DCDC1: variants seen among roughly 807,000 people sequenced by gnomAD.
The protein encoded by DCDC1 is doublecortin domain-containing protein 1.
Under a neutral mutation model 178.3 loss-of-function variants are expected in DCDC1, and 200 were observed. That is an observed-to-expected ratio of 1.12 (90% CI 1.00 to 1.26). The LOEUF (loss-of-function observed/expected upper bound fraction) is 1.26, where lower values mean the gene tolerates loss of function less well. Ranked by LOEUF, DCDC1 falls within the 50% of genes most tolerant of loss-of-function variation. DCDC1 has a pLI of 0.00. For synonymous variants in DCDC1, 690 were observed against 604.8 expected (o/e 1.14, Z -2.07); for missense variants, 1,983 against 1,749.2 (o/e 1.13, Z -2.38).
At chr11:31,286,849 G>C (rs1479158650) in intron 7 of DCDC1, among the ~76,000 whole-genome samples, 1 of 152,080 alleles carries the variant, frequency 6.6e-6, no homozygotes, top group African/African-American at 2.4e-5. Context: ...TCTCTGGAGA[G>C]ACTAAACCTC....
chr11:31,309,175 T>C (rs1262060025), intron 3 of DCDC1, among the ~76,000 whole-genome samples: 1 of 151,992 alleles, frequency 6.6e-6, no homozygotes, highest in African/African-American at 2.4e-5. Context: ...TGTATGTGTG[T>C]GAGCTCACAC....
At chr11:31,238,592 C>T (rs1225920995) in intron 9 of DCDC1, among the ~76,000 whole-genome samples, 1 of 152,030 alleles carries the variant, frequency 6.6e-6, no homozygotes, top group African/African-American at 2.4e-5. Context: ...CAATGGCATT[C>T]CTACTTCAAC....
At chr11:31,046,516 G>A (rs984911858) in intron 20 of DCDC1, among the ~76,000 whole-genome samples, 10 of 151,434 alleles carry the variant, frequency 6.6e-5, no homozygotes, top group African/African-American at 2.4e-4. Context: ...GGTAGACATG[G>A]GTTCAATTAT....
intron 17 of DCDC1, among the ~76,000 whole-genome samples, chr11:31,079,256 T>C (rs1957038968): frequency 6.6e-6 from 1 of 152,138 alleles, no homozygotes; most frequent in Non-Finnish European, 1.5e-5. Context: ...TTTGGAAAGA[T>C]TCTAGGTTTG....
At chr11:30,929,235 T>C (rs971533625) in intron 22 of DCDC1, among the ~76,000 whole-genome samples, 5 of 152,094 alleles carry the variant, frequency 3.3e-5, no homozygotes, top group Admixed American at 3.3e-4. Flanking sequence ...CAATGATCTA[T>C]GATCATAACA....
intron 2 of DCDC1, 65 bp downstream of exon 2, chr11:31,335,382 C>G (rs1950219291): frequency 6.6e-6 from 1 of 152,252 alleles, no homozygotes; most frequent in South Asian, 2.1e-4. Flanking sequence ...CCCCGCCCTG[C>G]TTCAGCTTCC....
At chr11:30,925,715 G>C (rs1199559613) in intron 22 of DCDC1, among the ~76,000 whole-genome samples, 1 of 152,150 alleles carries the variant, frequency 6.6e-6, no homozygotes, top group Non-Finnish European at 1.5e-5. Flanking sequence ...CCAATAAATA[G>C]CTAGACACAC....
intron 20 of DCDC1, among the ~76,000 whole-genome samples, chr11:30,973,588 G>A (rs1414930947): frequency 6.6e-6 from 1 of 152,156 alleles, no homozygotes; most frequent in African/African-American, 2.4e-5. Context: ...AAAACCAAAT[G>A]TGAGCAGGAG....
chr11:31,219,975 G>GC, intron 9 of DCDC1, among the ~76,000 whole-genome samples: 1 of 152,128 alleles, frequency 6.6e-6, no homozygotes, highest in South Asian at 2.1e-4. Context: ...TCTGACTCCA[G>GC]CCCCCACACC....
intron 3 of DCDC1, among the ~76,000 whole-genome samples, chr11:31,310,350 G>T (rs1213235259): frequency 1.1e-5 from 1 of 87,684 alleles, no homozygotes; most frequent in African/African-American, 4.4e-5. Flanking sequence ...ATGGAGTATT[G>T]CTCTGTTGCC....
chr11:31,092,650 G>A (rs621549), intron 16 of DCDC1, among the ~76,000 whole-genome samples: 2 of 151,962 alleles, frequency 1.3e-5, no homozygotes, highest in Admixed American at 6.6e-5. Context: ...TTTTTGAGGA[G>A]ATTTTAGACA....
At chr11:31,052,839 C>T (rs543143736) in intron 20 of DCDC1, among the ~76,000 whole-genome samples, 1 of 152,164 alleles carries the variant, frequency 6.6e-6, no homozygotes, top group Admixed American at 6.5e-5. Context: ...AAAGGCAGTG[C>T]TAAGAGGAAA....
At chr11:30,902,707 C>A (rs1025667421) in intron 32 of DCDC1, among the ~76,000 whole-genome samples, 2 of 152,106 alleles carry the variant, frequency 1.3e-5, no homozygotes, top group Admixed American at 1.3e-4. Flanking sequence ...TAGCAAGTGA[C>A]AAAGCTGGGA....
chr11:31,198,882 T>C (rs2136414510), intron 9 of DCDC1, among the ~76,000 whole-genome samples: 1 of 151,962 alleles, frequency 6.6e-6, no homozygotes, highest in Admixed American at 6.6e-5. Flanking sequence ...AGCTGACCTC[T>C]GAATAAAGAA....
At chr11:31,053,614 C>A (rs1326230120) in intron 20 of DCDC1, among the ~76,000 whole-genome samples, 2 of 152,062 alleles carry the variant, frequency 1.3e-5, no homozygotes, top group African/African-American at 4.8e-5. Flanking sequence ...AACAACATAT[C>A]AAAAAGATAA....
At chr11:30,929,436 G>T (rs1946791405) in intron 22 of DCDC1, among the ~76,000 whole-genome samples, 1 of 152,062 alleles carries the variant, frequency 6.6e-6, no homozygotes, top group Admixed American at 6.6e-5. Context: ...TCAACATCTA[G>T]AAAGGAAATC....
intron 1 of DCDC1, among the ~76,000 whole-genome samples, chr11:31,357,861 C>T (rs1319409455): frequency 1.3e-5 from 2 of 151,822 alleles, no homozygotes; most frequent in African/African-American, 2.4e-5. Context: ...GAATAAAATA[C>T]CTAGGAATCC....
intron 31 of DCDC1, chr11:30,904,592 G>A: frequency 4.5e-6 from 1 of 220,916 alleles, no homozygotes; most frequent in Non-Finnish European, 9.1e-6. Context: ...GAATGAGGTG[G>A]CATCTCTTGG....
intron 20 of DCDC1, among the ~76,000 whole-genome samples, chr11:31,018,808 G>C (rs1952668437): frequency 6.6e-6 from 1 of 152,136 alleles, no homozygotes; most frequent in African/African-American, 2.4e-5. Flanking sequence ...CAAGAAATTA[G>C]ACAGAGGGGA....
Sources: gnomAD v4.1 joint callset for allele counts (sites outside exome capture counted in the v4.1 genomes callset) on GRCh38, gnomAD v4.1.1 for gene constraint, MANE v1.5 for transcripts, NCBI Gene and HGNC (gene_info 2026-07-23, HGNC 2026-07-21) for gene names.